The following NISCH variants were observed in gnomAD, a reference collection of about 807,000 sequenced individuals.
NISCH encodes nischarin.
A neutral mutation model predicts 138.4 loss-of-function variants in NISCH; 55 were observed. The observed-to-expected ratio is 0.40, with a 90% CI of 0.32 to 0.50. The LOEUF (loss-of-function observed/expected upper bound fraction) is 0.50, where lower values mean the gene tolerates loss of function less well. NISCH is among the 20% of genes least tolerant of loss of function. The pLI is 0.71. For synonymous variants in NISCH, 860 were observed against 861.5 expected (o/e 1.00, Z 0.03); for missense variants, 1,643 against 2,005.5 (o/e 0.82, Z 3.45).
intron 4 of NISCH, 126 bp from the exon 5 acceptor site, chr3:52,471,688 C>T (rs1437007894): frequency 4.2e-5 from 46 of 1,099,464 alleles, no homozygotes; most frequent in Middle Eastern, 2.4e-4. Flanking sequence ...ATGCCCAGGG[C>T]GCTGGCTTTG....
intron 19 of NISCH, among the ~76,000 whole-genome samples, 168 bp from the exon 20 acceptor site, chr3:52,491,184 G>C (rs993629599): frequency 6.6e-6 from 1 of 152,248 alleles, no homozygotes; most frequent in African/African-American, 2.4e-5. Context: ...CAGCTCTTCC[G>C]GCCTGAAGGA....
intron 2 of NISCH, 72 bp from the exon 3 acceptor site, chr3:52,458,590 G>A (rs1261432674): frequency 7.2e-7 from 1 of 1,386,574 alleles, no homozygotes; most frequent in Non-Finnish European, 9.9e-7. Flanking sequence ...CTGCCCTCAA[G>A]CTTCTTGCCT....
Position 52,487,991 on chromosome 3 carries a change from G to C in NISCH, c.2499G>C (p.Glu833Asp). Residue 833 changes from glutamate to aspartate, a missense_variant, in exon 16 of 21, where the codon GAG becomes GAC. Glu to Asp is a conservative substitution (Grantham distance 45, BLOSUM62 2). Transcript: ENST00000345716. The surrounding 1 kb of genome is among the most constrained non-coding windows in gnomAD (Gnocchi z 9.1). ...ACGGCAGCCACACCAGCCTGCAGGA[G>C]TTCCTGCGCCAGCTGCTCACCTTCT... ...ILYGSHTSLQ[E>D]FLRQLLTFYK... 1 of 1,612,506 alleles carries C rather than the reference G, an allele frequency of 6.2e-7. No homozygotes were observed. Among genetic ancestry groups the C allele is most frequent in the Non-Finnish European group, 8.5e-7 (1 of 1,179,966 alleles).
At chr3:52,484,859 C>G (rs1453248429) in intron 14 of NISCH, among the ~76,000 whole-genome samples, 4 of 152,110 alleles carry the variant, frequency 2.6e-5, no homozygotes, top group Non-Finnish European at 5.9e-5. Context: ...CTCCCTCCTT[C>G]CCTTCCCCAC....
In NISCH at chr3:52,480,513, G is replaced by A. The variant is rs149560096; in HGVS notation, c.1528+218G>A. On this transcript the variant is annotated intron_variant, in intron 13 of 20. Coordinates refer to ENST00000345716, the MANE Select transcript of NISCH (RefSeq NM_007184.4). ...GCTTGCTTGGTGAGGACTCCCAATT[G>A]CTCTGATGCCCACATCCAGCTCCTC... 11,053 of 1,513,534 alleles carry A rather than the reference G, an allele frequency of 7.3e-3. 50 individuals are homozygous for A. Among genetic ancestry groups the A allele is most frequent in the Non-Finnish European group, 8.6e-3 (9,793 of 1,136,710 alleles). The allele number at this position is 1,513,534 out of a possible 1,614,324, so 93.8% of individuals were successfully genotyped here.
chr3:52,482,357 C>T (rs950018005), intron 13 of NISCH, among the ~76,000 whole-genome samples: 22 of 152,176 alleles, frequency 1.4e-4, no homozygotes, highest in Non-Finnish European at 2.2e-4. Context: ...TCGTGGCAGG[C>T]GCTGTCGGAG....
intron 4 of NISCH, 89 bp from the exon 5 acceptor site, chr3:52,471,725 T>A: frequency 2.1e-6 from 3 of 1,416,278 alleles, no homozygotes; most frequent in Non-Finnish European, 2.8e-6. Flanking sequence ...GCTTGCCAAC[T>A]GCTTGTTGAC....
intron 3 of NISCH, among the ~76,000 whole-genome samples, chr3:52,465,064 T>A (rs1409203114): frequency 4.6e-5 from 7 of 152,254 alleles, no homozygotes; most frequent in Admixed American, 4.6e-4. Flanking sequence ...TGTGTTTTGG[T>A]ATCATACATG....
At chr3:52,457,670 A>G (rs1706512502) in intron 1 of NISCH, among the ~76,000 whole-genome samples, 173 bp from the exon 2 acceptor site, 2 of 152,232 alleles carry the variant, frequency 1.3e-5, no homozygotes, top group Admixed American at 1.3e-4. Flanking sequence ...GGTCAGGTGC[A>G]GAGGCTGGTG....
At chr3:52,481,504 G>T in intron 13 of NISCH, 3 of 985,470 alleles carry the variant, frequency 3.0e-6, no homozygotes, top group Non-Finnish European at 3.6e-6. Flanking sequence ...CGGTGAGAAA[G>T]CTTCCCTGAC....
At chr3:52,461,593 G>A (rs1340304770) in intron 3 of NISCH, among the ~76,000 whole-genome samples, 1 of 152,216 alleles carries the variant, frequency 6.6e-6, no homozygotes, top group Admixed American at 6.5e-5. Context: ...GCCGGGCGCA[G>A]TGGCTCACGC....
chr3:52,482,368 C>G (rs934692710), intron 13 of NISCH, among the ~76,000 whole-genome samples: 12 of 152,164 alleles, frequency 7.9e-5, no homozygotes, highest in Non-Finnish European at 1.6e-4. Context: ...GCTGTCGGAG[C>G]CATGGATGAT....
chr3:52,481,815 T>C, intron 13 of NISCH: 2 of 985,474 alleles, frequency 2.0e-6, no homozygotes, highest in Non-Finnish European at 2.4e-6. Flanking sequence ...GGGGACACTC[T>C]GCAGAGGGGC....
chr3:52,469,107 G>A (rs568163651), intron 3 of NISCH, among the ~76,000 whole-genome samples: 2 of 152,318 alleles, frequency 1.3e-5, no homozygotes, highest in East Asian at 3.9e-4. Flanking sequence ...CCTGTCTCCT[G>A]TGTCTTTAGA....
rs138936894 is a variant in NISCH at position 52,488,123 on chromosome 3, C to A, written c.2631C>A (p.Gly877=). 39 of 1,613,038 alleles carry A rather than the reference C, an allele frequency of 2.4e-5. No individual in the cohort carries two copies. In the African/African-American group the frequency reaches 4.1e-4, roughly 17 times the overall value. The change falls in exon 16 of 21, where the codon GGC becomes GGA. Residue 877 remains glycine, a synonymous_variant. Coordinates refer to ENST00000345716, the MANE Select transcript of NISCH (RefSeq NM_007184.4). Reference sequence around the variant, plus strand: ...AGACGGCCGCCGGGGACTACTCAGGCAACATCGAGTGGGCCAGCTGCACAC... The same window carrying A: ...AGACGGCCGCCGGGGACTACTCAGGAAACATCGAGTGGGCCAGCTGCACAC... ...MVQTAAGDYS[G]NIEWASCTLC...
rs746089513 is a variant in NISCH, at chr3:52,492,488, GC to G, written c.*8del. The G allele has an allele frequency of 2.5e-6, 4 of 1,583,738 alleles. No individual in the cohort carries two copies. Among genetic ancestry groups the G allele is most frequent in the Non-Finnish European group, 3.4e-6 (4 of 1,165,634 alleles). The stretch of plus-strand genomic sequence containing the variant: ...CTGTCGAGCTCACCGGCTAGCCCAG[GC>G]CACAGCCAGCCTGTCGTGTCCAGCC... On this transcript the variant is annotated 3_prime_UTR_variant, in exon 21 of 21. Coordinates refer to ENST00000345716, the MANE Select transcript of NISCH (RefSeq NM_007184.4).
At position 52,471,761 on chromosome 3, in the gene NISCH, C is replaced by T. The variant is rs376369320; in HGVS notation, c.410-53C>T. On this transcript the variant is annotated intron_variant, in intron 4 of 20. Transcript: ENST00000345716. ...AGAAAAGGTGGAAATCCTGGCTGCA[C>T]GAGGGCTGGGGCTGCGGCTGGACAC... The T allele has an allele frequency of 1.3e-4, 206 of 1,602,410 alleles. No homozygotes were observed. In the African/African-American group the frequency reaches 2.1e-3, roughly 17 times the overall value.
intron 3 of NISCH, among the ~76,000 whole-genome samples, chr3:52,459,807 G>A (rs1706579670): frequency 6.6e-6 from 1 of 151,916 alleles, no homozygotes; most frequent in Non-Finnish European, 1.5e-5. Context: ...CCGCAAAAAG[G>A]ATATATGAAC....
At chr3:52,477,691 G>C in intron 9 of NISCH, 49 bp downstream of exon 9, 2 of 1,494,832 alleles carry the variant, frequency 1.3e-6, no homozygotes, top group Non-Finnish European at 1.9e-6. Flanking sequence ...CCAAGGCCCC[G>C]CCCTGAGATT....
Sources: gnomAD v4.1 joint callset for allele counts (sites outside exome capture counted in the v4.1 genomes callset) on GRCh38, gnomAD v4.1.1 for gene constraint, Gnocchi (gnomAD v3.1) non-coding constraint, MANE v1.5 for transcripts, NCBI Gene and HGNC (gene_info 2026-07-23, HGNC 2026-07-21) for gene names.